FRMPD4: variants seen among roughly 807,000 people sequenced by gnomAD.
The protein encoded by FRMPD4 is FERM and PDZ domain containing 4, also known as FERM and PDZ domain-containing protein 4.
Under a neutral mutation model 94.1 loss-of-function variants are expected in FRMPD4, and 22 were observed. That is an observed-to-expected ratio of 0.23 (90% CI 0.17 to 0.33). The LOEUF (loss-of-function observed/expected upper bound fraction) is 0.33, where lower values mean the gene tolerates loss of function less well. Ranked by LOEUF, FRMPD4 falls within the 10% of genes least tolerant of loss-of-function variation. FRMPD4 has a pLI of 1.00. For synonymous variants in FRMPD4, 631 were observed against 548.6 expected (o/e 1.15, Z -2.10); for missense variants, 1,111 against 1,339.9 (o/e 0.83, Z 2.67).
chrX:11,899,119 G>A lies in FRMPD4; in HGVS notation c.95+21101G>A, dbSNP rs1413350328. ...AAAGTCTGAACTATAAATTTGTAGGGCATTTTGTATGATGATAGTAGCTAA... is the reference window on the plus strand; with the variant it reads ...AAAGTCTGAACTATAAATTTGTAGGACATTTTGTATGATGATAGTAGCTAA... On this transcript the variant is annotated intron_variant, in intron 3 of 18. Coordinates refer to the FRMPD4 transcript ENST00000640291. Among the ~76,000 whole-genome samples, 3 of 112,019 alleles carry A rather than the reference G, an allele frequency of 2.7e-5. No homozygotes were observed. The East Asian group carries it at 8.3e-4, about 31-fold the overall frequency.
At chrX:12,586,925 G>T (rs1225301547) in intron 2 of FRMPD4, among the ~76,000 whole-genome samples, 2 of 111,629 alleles carry the variant, frequency 1.8e-5, no homozygotes, top group African/African-American at 6.5e-5. Context: ...TGAAGAAAAT[G>T]AGGGAGATTC....
At chrX:12,476,642 G>A (rs1362358834) in intron 1 of FRMPD4, among the ~76,000 whole-genome samples, 45 of 111,812 alleles carry the variant, frequency 4.0e-4, no homozygotes, top group African/African-American at 1.5e-3. Flanking sequence ...ACCCCATCAA[G>A]AAGTGGACGA....
At chrX:12,239,097 C>T (rs2057102090) in intron 1 of FRMPD4, among the ~76,000 whole-genome samples, 1 of 112,106 alleles carries the variant, frequency 8.9e-6, no homozygotes, top group Non-Finnish European at 1.9e-5. Context: ...GGCTATTTCC[C>T]AGAATGAAAT....
chrX:11,954,849 C>A (rs1027109833), intron 3 of FRMPD4, among the ~76,000 whole-genome samples: 3 of 109,869 alleles, frequency 2.7e-5, no homozygotes, highest in Non-Finnish European at 5.7e-5. Context: ...TCCTTGGGGG[C>A]TTTTTAGCAG....
chrX:12,643,916 T>A (rs920111729), intron 4 of FRMPD4, among the ~76,000 whole-genome samples: 10 of 112,315 alleles, frequency 8.9e-5, no homozygotes, highest in African/African-American at 3.2e-4. Context: ...CAACACTAAA[T>A]TTTTTCACTG....
intron 2 of FRMPD4, among the ~76,000 whole-genome samples, chrX:12,535,496 A>G (rs1262934041): frequency 1.8e-5 from 2 of 112,294 alleles, no homozygotes; most frequent in African/African-American, 3.2e-5. Flanking sequence ...AGAAAGAGCA[A>G]GGTTGTTGGA....
chrX:11,870,173 T>C (rs1041367665), intron 2 of FRMPD4, among the ~76,000 whole-genome samples: 2 of 112,186 alleles, frequency 1.8e-5, no homozygotes, highest in African/African-American at 6.5e-5. Flanking sequence ...AGATCTGTTT[T>C]ATGTTAACTT....
intron 1 of FRMPD4, among the ~76,000 whole-genome samples, chrX:12,490,990 T>C (rs2057787626): frequency 9.0e-6 from 1 of 110,859 alleles, no homozygotes; most frequent in African/African-American, 3.3e-5. Context: ...CTCCTTTCAG[T>C]TTGGATAGAG....
At chrX:11,996,850 A>C (rs1444452245) in intron 3 of FRMPD4, among the ~76,000 whole-genome samples, 1 of 111,980 alleles carries the variant, frequency 8.9e-6, no homozygotes, top group Non-Finnish European at 1.9e-5. Flanking sequence ...CAAGATAGAC[A>C]TATATGCATA....
chrX:12,028,999 G>T (rs1193603902), intron 3 of FRMPD4, among the ~76,000 whole-genome samples: 3 of 112,309 alleles, frequency 2.7e-5, no homozygotes, highest in African/African-American at 6.5e-5. Context: ...AAGTACCAAA[G>T]AGTGTAACTG....
intron 2 of FRMPD4, among the ~76,000 whole-genome samples, chrX:12,602,108 C>T (rs1158587043): frequency 9.0e-6 from 1 of 111,527 alleles, no homozygotes; most frequent in Admixed American, 9.6e-5. Flanking sequence ...ATTACTTTAC[C>T]ACACACAATA....
intron 4 of FRMPD4, among the ~76,000 whole-genome samples, chrX:12,667,414 T>A (rs1192143029): frequency 1.8e-5 from 2 of 112,447 alleles, no homozygotes; most frequent in African/African-American, 6.5e-5. Context: ...AGTATCAGTG[T>A]CTGGGTTCAT....
intron 1 of FRMPD4, among the ~76,000 whole-genome samples, chrX:12,171,789 A>C (rs2056230259): frequency 8.9e-6 from 1 of 112,063 alleles, no homozygotes; most frequent in Non-Finnish European, 1.9e-5. Flanking sequence ...AAACAAGGAA[A>C]GTCATATCAA....
chrX:11,985,501 CCTT>C, intron 3 of FRMPD4, among the ~76,000 whole-genome samples: 1 of 112,039 alleles, frequency 8.9e-6, no homozygotes, highest in Non-Finnish European at 1.9e-5. Context: ...ATGAAAGACT[CCTT>C]CTTGGGAAAA....
intron 3 of FRMPD4, among the ~76,000 whole-genome samples, chrX:12,038,436 C>CT (rs2054731894): frequency 8.9e-6 from 1 of 112,268 alleles, no homozygotes; most frequent in East Asian, 2.8e-4. Flanking sequence ...GGTACAAACC[C>CT]TTCTTTAGAA....
At chrX:11,865,248 C>A (rs1003999159) in intron 2 of FRMPD4, among the ~76,000 whole-genome samples, 1 of 111,827 alleles carries the variant, frequency 8.9e-6, no homozygotes, top group Admixed American at 9.5e-5. Flanking sequence ...GAGAGTTGAC[C>A]TAGTGGCTGT....
intron 2 of FRMPD4, among the ~76,000 whole-genome samples, chrX:12,507,420 C>A (rs2057997144): frequency 8.9e-6 from 1 of 111,918 alleles, no homozygotes; most frequent in Admixed American, 9.5e-5. Flanking sequence ...TGGTTGTGTT[C>A]CAATAAAACT....
chrX:12,489,560 T>G (rs2057772220), intron 1 of FRMPD4, among the ~76,000 whole-genome samples: 1 of 111,939 alleles, frequency 8.9e-6, no homozygotes, highest in African/African-American at 3.2e-5. Flanking sequence ...ATTTGAAAAT[T>G]AGATTAGGCC....
chrX:12,658,478 G>A (rs1311521690), intron 4 of FRMPD4, among the ~76,000 whole-genome samples: 1 of 111,744 alleles, frequency 8.9e-6, no homozygotes, highest in Non-Finnish European at 1.9e-5. Flanking sequence ...TAATAAAGGA[G>A]CTGCCAGTTA....
Sources: allele counts gnomAD v4.1 joint callset (sites outside exome capture counted in the v4.1 genomes callset), GRCh38; gene constraint gnomAD v4.1.1; transcripts MANE v1.5; gene names NCBI Gene and HGNC (gene_info 2026-07-23, HGNC 2026-07-21).